BOK: variants seen among roughly 807,000 people sequenced by gnomAD.
The protein encoded by BOK is BCL2 family apoptosis regulator BOK, also known as bcl-2-related ovarian killer protein.
A neutral mutation model predicts 18.3 loss-of-function variants in BOK; 20 were observed. That is an observed-to-expected ratio of 1.09 (90% CI 0.77 to 1.59). The LOEUF (loss-of-function observed/expected upper bound fraction) is 1.59, where lower values mean the gene tolerates loss of function less well. Among genes scored for constraint, BOK ranks in the 40% most tolerant of loss-of-function variants. The pLI, the probability that BOK is intolerant of heterozygous loss-of-function variation, is 0.00. For missense variants in BOK, 348 were observed against 307.9 expected, an observed-to-expected ratio of 1.13 and a Z score of -0.97; for synonymous variants, 173 against 142.4, an observed-to-expected ratio of 1.21 and a Z score of -1.53.
At chr2:241,567,726 C>A (rs1302287256) in intron 3 of BOK, among the ~76,000 whole-genome samples, 1 of 135,316 alleles carries the variant, frequency 7.4e-6, no homozygotes, top group African/African-American at 2.9e-5. Flanking sequence ...GTCACAGCAA[C>A]ACGAGAGCTT....
chr2:241,572,191 A>G lies in BOK; in HGVS notation c.514-106A>G, dbSNP rs148565142. On this transcript the variant is annotated intron_variant, in intron 4 of 4. Coordinates refer to ENST00000318407, the MANE Select transcript of BOK (RefSeq NM_032515.5). The stretch of plus-strand genomic sequence containing the variant: ...CCGAACAGTCTCCTGCATTCCCTTC[A>G]TGCAATTTTGCTGATATTCTGGTGC... 765 of 1,504,370 alleles carry G rather than the reference A, an allele frequency of 5.1e-4. 3 individuals carry two copies. The African/African-American group carries it at 9.3e-3, about 18-fold the overall frequency. The allele number at this position is 1,504,370 out of a possible 1,614,324, so 93.2% of individuals were successfully genotyped here. A position where few individuals can be genotyped will look rare whatever the true frequency, so the allele number is the denominator to read the frequency against.
rs547055664 is a variant in BOK at position 241,561,947 on chromosome 2, C to T, written c.221-401C>T. Among the ~76,000 whole-genome samples the T allele has an allele frequency of 1.3e-4, 20 of 152,366 alleles. No individual in the cohort carries two copies. In the East Asian group the frequency reaches 3.5e-3, roughly 26 times the overall value. On this transcript the variant is annotated intron_variant, in intron 2 of 4. Transcript: ENST00000318407. ...CACCCCAGTGCTTTCTCTGCCCAGCCCCTCCCCACGTCGGGGTCTGGCCGT... is the reference window on the plus strand; with the variant it reads ...CACCCCAGTGCTTTCTCTGCCCAGCTCCTCCCCACGTCGGGGTCTGGCCGT...
At chr2:241,552,104 C>T (rs1248102769) in intron 1 of BOK, among the ~76,000 whole-genome samples, 1 of 152,148 alleles carries the variant, frequency 6.6e-6, no homozygotes, top group Non-Finnish European at 1.5e-5. Context: ...GCGGCTGGGA[C>T]GGGGTGGCAA....
At chr2:241,564,459 TG>T (rs1314124671) in intron 3 of BOK, among the ~76,000 whole-genome samples, 2 of 145,344 alleles carry the variant, frequency 1.4e-5, no homozygotes, top group East Asian at 4.1e-4. Flanking sequence ...CAGCTGAGGG[TG>T]GGGGGCCGGG....
chr2:241,559,592 G>T lies in BOK; in HGVS notation c.109G>T (p.Glu37Ter), dbSNP rs372034705. The change falls in exon 2 of 5, where the codon GAG (glutamate) becomes TAG (stop). Residue 37 changes from glutamate (E) to a stop codon, truncating the protein, a stop_gained. Transcript: ENST00000318407. LOFTEE classifies it high-confidence loss of function. Reference protein sequence around the residue: ...LVAQAKALGREYVHARLLRAG... With the variant: ...LVAQAKALGR ...GGCCCAGGCCAAGGCGCTGGGCCGG[G>T]AGTACGTGCACGCGCGGCTGCTGCG... is the stretch of plus-strand genomic sequence containing the variant. 52 of 1,505,946 alleles carry T rather than the reference G, an allele frequency of 3.5e-5. No homozygotes were observed. Among genetic ancestry groups the T allele is most frequent in the South Asian group, 3.4e-4 (27 of 80,218 alleles). 93.3% of individuals were successfully genotyped at this position (1,505,946 alleles called of 1,614,324 possible).
chr2:241,569,842 C>T (rs1324255100), intron 3 of BOK, among the ~76,000 whole-genome samples: 1 of 152,226 alleles, frequency 6.6e-6, no homozygotes, highest in Non-Finnish European at 1.5e-5. Context: ...TGGCTGCTCA[C>T]TCCATCTGCT....
In BOK at chr2:241,570,255, C is replaced by T. The variant is rs773864834; in HGVS notation, c.480C>T (p.Thr160=). Residue 160 remains threonine, a synonymous_variant, in exon 4 of 5, where the codon ACC becomes ACT. Transcript: ENST00000318407. ...GCCTGGGGGAGTTCGTGCGCAAGAC[C>T]CTGGCAACCTGGCTGCGGAGACGCG... ...VDCLGEFVRK[T]LATWLRRRGG... The T allele has an allele frequency of 4.4e-6, 7 of 1,578,912 alleles. No homozygotes were observed. Among genetic ancestry groups the T allele is most frequent in the Non-Finnish European group, 6.0e-6 (7 of 1,164,134 alleles).
chr2:241,559,815 G>A lies in BOK; in HGVS notation c.220+112G>A, dbSNP rs1037261346. 7.6e-6 allele frequency: 9 copies of A among 1,185,936 alleles called. No homozygotes were observed. In the African/African-American group the frequency reaches 1.3e-4, roughly 17 times the overall value. 73.5% of individuals were successfully genotyped at this position (1,185,936 alleles called of 1,614,324 possible). A position where few individuals can be genotyped will look rare whatever the true frequency, so the allele number is the denominator to read the frequency against. ...CCAGGGGCGCCCACCCCCTGCCTGG[G>A]ACGGCCAGGCGCTCGGGACAGGGCC... On this transcript the variant is annotated intron_variant, in intron 2 of 4. Transcript: ENST00000318407.
intron 2 of BOK, 107 bp downstream of exon 2, chr2:241,559,810 C>T: frequency 8.3e-7 from 1 of 1,199,184 alleles, no homozygotes; most frequent in Non-Finnish European, 1.1e-6. Context: ...CCACCCCCTG[C>T]CTGGGACGGC....
At position 241,573,737 on chromosome 2, in the gene BOK, A is replaced by G. The variant is rs12618880; in HGVS notation, c.*1315A>G. ...GCTATTTTTGTGCTCATCCTCATACAACCATTTGGGGATGTGCCTATTAGG... is the reference window on the plus strand; with the variant it reads ...GCTATTTTTGTGCTCATCCTCATACGACCATTTGGGGATGTGCCTATTAGG... On this transcript the variant is annotated 3_prime_UTR_variant, in exon 5 of 5. Transcript: ENST00000318407. The G allele has an allele frequency of 4.7e-4, 72 of 152,364 alleles. No homozygotes were observed. The East Asian group carries it at 5.6e-3, about 12-fold the overall frequency. The allele number at this position is 152,364 out of a possible 1,614,324, so 9.4% of individuals were successfully genotyped here. A position where few individuals can be genotyped will look rare whatever the true frequency, so the allele number is the denominator to read the frequency against.
intron 3 of BOK, among the ~76,000 whole-genome samples, chr2:241,564,855 T>C (rs976983260): frequency 1.3e-5 from 2 of 152,110 alleles, no homozygotes; most frequent in African/African-American, 4.8e-5. Flanking sequence ...GAACAGTCAT[T>C]TCTGAGAATG....
At position 241,573,955 on chromosome 2, in the gene BOK, GC is replaced by G. The variant is rs2066763099; in HGVS notation, c.*1535del. ...GACATGGGGCAGTCGTTCTGGGGAGGCCTGGCCTAGCAGCCACCCACCTGAG... is the reference window on the plus strand; with the variant it reads ...GACATGGGGCAGTCGTTCTGGGGAGGCTGGCCTAGCAGCCACCCACCTGAG... On this transcript the variant is annotated 3_prime_UTR_variant, in exon 5 of 5. Transcript: ENST00000318407. 1 of 152,252 alleles carries G rather than the reference GC, an allele frequency of 6.6e-6. No homozygotes were observed. Among genetic ancestry groups the G allele is most frequent in the Non-Finnish European group, 1.5e-5 (1 of 68,080 alleles). 9.4% of individuals were successfully genotyped at this position (152,252 alleles called of 1,614,324 possible).
chr2:241,559,355 C>G (rs2125044194), intron 1 of BOK, 100 bp from the exon 2 acceptor site: 1 of 648,422 alleles, frequency 1.5e-6, no homozygotes, highest in Non-Finnish European at 2.2e-6. Flanking sequence ...GACCCGGCGC[C>G]GGCTACGGCC....
At chr2:241,551,760 T>TG (rs925894284) in intron 1 of BOK, among the ~76,000 whole-genome samples, 2 of 152,182 alleles carry the variant, frequency 1.3e-5, no homozygotes, top group Non-Finnish European at 2.9e-5. Flanking sequence ...AGGCTTGCGC[T>TG]GGCCAAGTGA....
Position 241,572,242 on chromosome 2 carries a change from T to C in BOK, c.514-55T>C, listed in dbSNP as rs2066735928. 4 of 1,591,482 alleles carry C rather than the reference T, an allele frequency of 2.5e-6. No individual in the cohort carries two copies. In the African/African-American group the frequency reaches 5.4e-5, roughly 22 times the overall value. ...ACGGTGCTGGGGGGCCTGGCGGTGC[T>C]GGGGGCCTGGCGGTGCTGGCTCTGC... On this transcript the variant is annotated intron_variant, in intron 4 of 4. Transcript: ENST00000318407.
chr2:241,564,725 AGGCATCCTG>A (rs1679864292), intron 3 of BOK, among the ~76,000 whole-genome samples: 1 of 151,984 alleles, frequency 6.6e-6, no homozygotes, highest in South Asian at 2.1e-4. Context: ...CAGGGGTGGA[AGGCATCCTG>A]GGCTGACGAC....
At position 241,570,305 on chromosome 2, in the gene BOK, C is replaced by T. The variant is rs2066694886; in HGVS notation, c.513+17C>T. On this transcript the variant is annotated intron_variant, in intron 4 of 4. Coordinates refer to ENST00000318407, the MANE Select transcript of BOK (RefSeq NM_032515.5). ...GGCGGATGGGTGAGCGCCTGAGTGC[C>T]CGTGTGGGTGGGAGAGCTGGGGTGC... The T allele has an allele frequency of 1.3e-6, 2 of 1,546,460 alleles. No individual in the cohort carries two copies. Among genetic ancestry groups the T allele is most frequent in the African/African-American group, 2.7e-5 (2 of 72,862 alleles).
chr2:241,557,272 T>C (rs1010312435), upstream of BOK, among the ~76,000 whole-genome samples: 1 of 151,764 alleles, frequency 6.6e-6, no homozygotes, highest in Admixed American at 6.6e-5. Context: ...GCTTCTTGAG[T>C]GGAAGCTTAG....
chr2:241,554,762 A>G (rs1189045482), upstream of BOK, among the ~76,000 whole-genome samples: 1 of 152,192 alleles, frequency 6.6e-6, no homozygotes, highest in East Asian at 1.9e-4. Context: ...CACAGATGGA[A>G]AGAGACTCCT....
Sources: allele counts gnomAD v4.1 joint callset (sites outside exome capture counted in the v4.1 genomes callset), GRCh38; gene constraint gnomAD v4.1.1; transcripts MANE v1.5; gene names NCBI Gene and HGNC (gene_info 2026-07-23, HGNC 2026-07-21).